Variants in C10orf90 observed in about 807,000 individuals in gnomAD.
The protein encoded by C10orf90 is chromosome 10 open reading frame 90, also known as (E2-independent) E3 ubiquitin-conjugating enzyme FATS.
C10orf90 carries 56 observed loss-of-function variants against 62.5 expected under a neutral mutation model. The ratio of observed to expected loss-of-function variants is 0.90; its 90% CI spans 0.72 to 1.12. The LOEUF (loss-of-function observed/expected upper bound fraction) is 1.12, where lower values mean the gene tolerates loss of function less well. Ranked by LOEUF, C10orf90 falls within the 50% of genes most tolerant of loss-of-function variation. The probability of loss-of-function intolerance (pLI) is 0.00; values close to 1 mark genes in which losing one functional copy is unlikely to be tolerated. For synonymous variants in C10orf90, 386 were observed against 340.4 expected (o/e 1.13, Z -1.47); for missense variants, 970 against 880.4 (o/e 1.10, Z -1.29).
intron 8 of C10orf90, 135 bp from the exon 9 acceptor site, chr10:126,426,225 A>G: frequency 1.4e-6 from 1 of 716,044 alleles, no homozygotes; most frequent in South Asian, 1.8e-5. Context: ...TCACAACTGT[A>G]GGATGCCAGG....
At chr10:126,505,649 C>A (rs559283084) in intron 3 of C10orf90, among the ~76,000 whole-genome samples, 2 of 152,224 alleles carry the variant, frequency 1.3e-5, no homozygotes, top group East Asian at 3.9e-4. Context: ...GTCCAGAGAG[C>A]AAAACAATAG....
chr10:126,552,351 A>C (rs1181477505), intron 2 of C10orf90, among the ~76,000 whole-genome samples: 1 of 152,228 alleles, frequency 6.6e-6, no homozygotes, highest in Non-Finnish European at 1.5e-5. Flanking sequence ...TGTAGCACTA[A>C]ACTGTAGCAC....
chr10:126,519,080 T>G (rs2133934717), intron 2 of C10orf90, among the ~76,000 whole-genome samples: 1 of 152,240 alleles, frequency 6.6e-6, no homozygotes, highest in South Asian at 2.1e-4. Flanking sequence ...GACAGAGCCC[T>G]TCCAGCAGAG....
chr10:126,518,776 C>T lies in C10orf90; in HGVS notation c.314-4837G>A, dbSNP rs534994054. ...GATTGCACCCGCTGCTGTCTCCATC[C>T]GCCTGAACCACACATCCAAAACCAT... is the stretch of plus-strand genomic sequence containing the variant. On this transcript the variant is annotated intron_variant, in intron 2 of 9. Transcript: ENST00000488181. 1.8e-4 allele frequency among the ~76,000 whole-genome samples: 28 copies of T among 152,228 alleles called. No individual in the cohort carries two copies. The South Asian group carries it at 3.1e-3, about 17-fold the overall frequency.
At chr10:126,570,085 G>A (rs149176422) in intron 2 of C10orf90, among the ~76,000 whole-genome samples, 14 of 152,080 alleles carry the variant, frequency 9.2e-5, no homozygotes, top group Admixed American at 8.5e-4. Flanking sequence ...AATGCTCTGC[G>A]GGTGCTGGTG....
rs56185514 is a variant in C10orf90, at chr10:126,551,617, T to C, written c.314-37678A>G. 5.8e-3 allele frequency among the ~76,000 whole-genome samples: 884 copies of C among 152,274 alleles called. 15 individuals carry two copies. Among genetic ancestry groups the C allele is most frequent in the African/African-American group, 0.021 (856 of 41,538 alleles). On this transcript the variant is annotated intron_variant, in intron 2 of 9. Transcript: ENST00000488181. Reference sequence around the variant, plus strand: ...ATGCAACCTACTGAATCTCAGCAGATCCAAGGAGCATAAGATTCCTATGCC... The same window carrying C: ...ATGCAACCTACTGAATCTCAGCAGACCCAAGGAGCATAAGATTCCTATGCC...
intron 4 of C10orf90, among the ~76,000 whole-genome samples, chr10:126,468,961 C>T (rs1430657399): frequency 2.0e-5 from 3 of 152,156 alleles, no homozygotes; most frequent in Admixed American, 6.5e-5. Context: ...TACAAATCTT[C>T]GATGTTCTTA....
intron 4 of C10orf90, among the ~76,000 whole-genome samples, chr10:126,503,385 C>T (rs1385093549): frequency 6.6e-6 from 1 of 152,218 alleles, no homozygotes; most frequent in Admixed American, 6.5e-5. Context: ...CTATTTGGCA[C>T]AGAGAGTCCC....
At chr10:126,521,680 C>T (rs778934470) in intron 2 of C10orf90, among the ~76,000 whole-genome samples, 3 of 152,134 alleles carry the variant, frequency 2.0e-5, no homozygotes, top group East Asian at 1.9e-4. Context: ...ATCCAGATAA[C>T]GTCACACTGG....
chr10:126,502,060 GCACACACACAC>G (rs1296120164), intron 4 of C10orf90, among the ~76,000 whole-genome samples: 8 of 100,648 alleles, frequency 7.9e-5, no homozygotes, highest in East Asian at 2.9e-4. Flanking sequence ...CCACACACAC[GCACACACACAC>G]CACACACACA....
At chr10:126,509,250 C>T (rs1246865589) in intron 3 of C10orf90, among the ~76,000 whole-genome samples, 2 of 152,192 alleles carry the variant, frequency 1.3e-5, no homozygotes, top group African/African-American at 4.8e-5. Flanking sequence ...TGACACTGCT[C>T]CTGAGGCACA....
At chr10:126,510,197 G>C (rs1481865605) in intron 3 of C10orf90, among the ~76,000 whole-genome samples, 2 of 152,070 alleles carry the variant, frequency 1.3e-5, no homozygotes, top group African/African-American at 2.4e-5. Context: ...TAGAGGATAG[G>C]ACTTCAACAT....
rs149866472 is a variant in C10orf90, at chr10:126,504,301, C to T, written c.1190G>A (p.Arg397Lys). 1.8e-4 allele frequency: 294 copies of T among 1,614,110 alleles called. No individual in the cohort carries two copies. The highest frequency in any genetic ancestry group is 1.9e-4 in the Non-Finnish European group (228 of 1,180,048). Reference protein sequence around the residue: ...LSLNLNCSSHRLTADGVDGLV... With the variant: ...LSLNLNCSSHKLTADGVDGLV... The stretch of plus-strand genomic sequence containing the variant: ...GCCATCTACTCCATCTGCTGTTAAT[C>T]TGTGGGAACTACAATTGAGGTTGAG... Residue 397 changes from arginine (R) to lysine (K), a missense_variant, in exon 4 of 10, where the codon AGA becomes AAA. Coordinates refer to ENST00000488181, the MANE Select transcript of C10orf90 (RefSeq NM_001350921.2). This position sits in a 1 kb window ranked among gnomAD's most constrained non-coding sequence, Gnocchi z 4.1.
intron 2 of C10orf90, among the ~76,000 whole-genome samples, chr10:126,605,502 G>A (rs1319017702): frequency 6.6e-6 from 1 of 152,204 alleles, no homozygotes; most frequent in African/African-American, 2.4e-5. Flanking sequence ...CTGCGCCCCT[G>A]CATGGGAAGA....
At chr10:126,508,314 G>A (rs1372965389) in intron 3 of C10orf90, among the ~76,000 whole-genome samples, 2 of 145,948 alleles carry the variant, frequency 1.4e-5, no homozygotes, top group African/African-American at 5.1e-5. Context: ...TCTTTCACCA[G>A]CTCCCAGGTG....
intron 2 of C10orf90, among the ~76,000 whole-genome samples, chr10:126,548,609 C>T (rs1864558189): frequency 6.6e-6 from 1 of 152,176 alleles, no homozygotes; most frequent in Non-Finnish European, 1.5e-5. Flanking sequence ...TCATGATCCA[C>T]CCAACTCGGC....
At chr10:126,429,635 A>T in intron 8 of C10orf90, 152 bp downstream of exon 8, 1 of 629,892 alleles carries the variant, frequency 1.6e-6, no homozygotes, top group Non-Finnish European at 2.9e-6. Context: ...TACCGTACTT[A>T]TTTTAGCCGT....
chr10:126,493,591 A>G (rs1861878099), intron 4 of C10orf90, among the ~76,000 whole-genome samples: 1 of 92,984 alleles, frequency 1.1e-5, no homozygotes, highest in South Asian at 3.9e-4. Flanking sequence ...TTCTGACCGC[A>G]GGTGATCGCC....
intron 2 of C10orf90, among the ~76,000 whole-genome samples, chr10:126,610,155 C>G (rs1422158236): frequency 6.6e-6 from 1 of 152,206 alleles, no homozygotes; most frequent in African/African-American, 2.4e-5. Context: ...CTGCATGGAC[C>G]ATGTCCACAG....
Sources: allele counts gnomAD v4.1 joint callset (sites outside exome capture counted in the v4.1 genomes callset), GRCh38; gene constraint gnomAD v4.1.1; non-coding constraint Gnocchi (gnomAD v3.1); transcripts MANE v1.5; gene names NCBI Gene and HGNC (gene_info 2026-07-23, HGNC 2026-07-21).